Variants in SLTM observed in about 807,000 individuals in gnomAD.
SLTM encodes the protein SAFB-like transcription modulator.
A neutral mutation model predicts 134.6 loss-of-function variants in SLTM; 43 were observed. The observed-to-expected ratio is 0.32, with a 90% CI of 0.25 to 0.41. The LOEUF (loss-of-function observed/expected upper bound fraction) is 0.41. SLTM is among the 10% of genes least tolerant of loss of function. SLTM has a pLI of 1.00. For synonymous variants in SLTM, 424 were observed against 432.3 expected (o/e 0.98, Z 0.24); for missense variants, 1,055 against 1,288.8 (o/e 0.82, Z 2.78).
At chr15:58,898,571 T>C (rs2035257417) in intron 8 of SLTM, 1 of 413,022 alleles carries the variant, frequency 2.4e-6, no homozygotes, top group Non-Finnish European at 4.3e-6. Flanking sequence ...GTTCCCTAGC[T>C]AATGGGTTTT....
intron 1 of SLTM, 61 bp from the exon 2 acceptor site, chr15:58,932,504 G>T: frequency 7.6e-7 from 1 of 1,314,870 alleles, no homozygotes; most frequent in South Asian, 1.3e-5. Context: ...TTATAAAAAC[G>T]AAATGAAAAA....
intron 5 of SLTM, among the ~76,000 whole-genome samples, chr15:58,907,284 T>G (rs1470006736): frequency 3.3e-5 from 5 of 152,204 alleles, no homozygotes; most frequent in Non-Finnish European, 7.3e-5. Flanking sequence ...CATGATGTTA[T>G]AGACTGAAGA....
intron 5 of SLTM, among the ~76,000 whole-genome samples, chr15:58,904,238 T>C (rs1439212808): frequency 6.6e-6 from 1 of 152,022 alleles, no homozygotes; most frequent in African/African-American, 2.4e-5. Flanking sequence ...CTCGAACTCC[T>C]GAGCCCAGGT....
intron 2 of SLTM, among the ~76,000 whole-genome samples, chr15:58,917,527 G>C (rs1567150179): frequency 6.6e-6 from 1 of 152,116 alleles, no homozygotes; most frequent in Non-Finnish European, 1.5e-5. Flanking sequence ...CCTCTTCATA[G>C]AGAAGAAATT....
At chr15:58,919,132 C>G (rs571114364) in intron 2 of SLTM, among the ~76,000 whole-genome samples, 1 of 152,098 alleles carries the variant, frequency 6.6e-6, no homozygotes, top group African/African-American at 2.4e-5. Flanking sequence ...AGGATGGTCT[C>G]GATCCCCTGA....
At chr15:58,906,019 T>C (rs1438885081) in intron 5 of SLTM, among the ~76,000 whole-genome samples, 1 of 152,176 alleles carries the variant, frequency 6.6e-6, no homozygotes, top group Non-Finnish European at 1.5e-5. Context: ...GTAGAAAAGA[T>C]GAACCACACG....
rs1467990800 is a variant in SLTM, at chr15:58,933,626, C to T, written c.-61G>A. ...GGCTGCAGGGCGGCGGCAGCAGCGC[C>T]AACTTCCACCCAGGCCTCGGCGGCC... On this transcript the variant is annotated 5_prime_UTR_variant, in exon 1 of 21. Transcript: ENST00000380516. The T allele has an allele frequency of 6.2e-6, 9 of 1,458,768 alleles. No homozygotes were observed. The highest frequency in any genetic ancestry group is 1.3e-5 in the South Asian group (1 of 75,206). 90.4% of individuals were successfully genotyped at this position (1,458,768 alleles called of 1,614,324 possible).
intron 3 of SLTM, among the ~76,000 whole-genome samples, chr15:58,915,450 T>G (rs2036568103): frequency 6.6e-6 from 1 of 152,208 alleles, no homozygotes; most frequent in Non-Finnish European, 1.5e-5. Flanking sequence ...GTCACAATGT[T>G]TTTACAGCTT....
At chr15:58,886,000 T>G (rs1183334455) in intron 19 of SLTM, among the ~76,000 whole-genome samples, 2 of 152,182 alleles carry the variant, frequency 1.3e-5, no homozygotes, top group Non-Finnish European at 2.9e-5. Flanking sequence ...GGCAAAAGGT[T>G]TTTGTTCATT....
At chr15:58,913,862 A>G (rs1286562362) in intron 3 of SLTM, 166 bp from the exon 4 acceptor site, 2 of 559,130 alleles carry the variant, frequency 3.6e-6, no homozygotes, top group African/African-American at 3.8e-5. Context: ...CTTTAAAAAT[A>G]GGTCTAATAC....
intron 2 of SLTM, among the ~76,000 whole-genome samples, chr15:58,925,289 C>A (rs1389760752): frequency 6.6e-6 from 1 of 152,124 alleles, no homozygotes; most frequent in African/African-American, 2.4e-5. Flanking sequence ...TTCTGAAAGG[C>A]CTTGCACATT....
intron 5 of SLTM, among the ~76,000 whole-genome samples, chr15:58,906,339 T>C (rs2035867071): frequency 6.6e-6 from 1 of 152,226 alleles, no homozygotes; most frequent in Admixed American, 6.5e-5. Context: ...AAATTTCACA[T>C]ATGAAGATGA....
chr15:58,894,712 T>TG (rs2034940787), intron 9 of SLTM, 130 bp from the exon 10 acceptor site: 12 of 947,330 alleles, frequency 1.3e-5, no homozygotes, highest in South Asian at 1.2e-4. Context: ...CATGTTTTTT[T>TG]TTTTTTTTTT....
intron 2 of SLTM, among the ~76,000 whole-genome samples, chr15:58,931,771 A>G (rs2037897343): frequency 6.6e-6 from 1 of 152,242 alleles, no homozygotes; most frequent in Non-Finnish European, 1.5e-5. Flanking sequence ...GTTAAAAATA[A>G]GAATCTTTAA....
At chr15:58,908,065 T>A (rs556243353) in intron 5 of SLTM, among the ~76,000 whole-genome samples, 1 of 150,612 alleles carries the variant, frequency 6.6e-6, no homozygotes, top group African/African-American at 2.4e-5. Flanking sequence ...TTTCTTTCTT[T>A]TTTTTTTTTA....
At chr15:58,890,194 TACA>T in intron 15 of SLTM, 84 bp downstream of exon 15, 2 of 1,493,328 alleles carry the variant, frequency 1.3e-6, no homozygotes, top group South Asian at 1.2e-5. Context: ...ATAGACGCTT[TACA>T]ACAAGTAAAG....
chr15:58,931,074 T>A (rs370714566), intron 2 of SLTM, among the ~76,000 whole-genome samples: 1 of 152,202 alleles, frequency 6.6e-6, no homozygotes, highest in African/African-American at 2.4e-5. Flanking sequence ...ATTCCTGATA[T>A]ACTTATTTCT....
At chr15:58,904,697 A>AT (rs1364770430) in intron 5 of SLTM, among the ~76,000 whole-genome samples, 7 of 149,648 alleles carry the variant, frequency 4.7e-5, no homozygotes, top group East Asian at 2.0e-4. Flanking sequence ...CACCCGGCCA[A>AT]TTTTTTTTTG....
chr15:58,899,821 TCA>T lies in SLTM; in HGVS notation c.704_705del (p.Val235GlufsTer4). 6.2e-7 allele frequency: 1 copy of T among 1,614,190 alleles called. No individual in the cohort carries two copies. The highest frequency in any genetic ancestry group is 2.2e-5 in the East Asian group (1 of 44,886). On this transcript the variant is annotated frameshift_variant, in exon 7 of 21. Coordinates refer to ENST00000380516, the MANE Select transcript of SLTM (RefSeq NM_024755.4). LOFTEE classifies it high-confidence loss of function. The surrounding 1 kb of genome is among the most constrained non-coding windows in gnomAD (Gnocchi z 5.0). ...AHEEMEAHTT[V>X]KEAEDDNISV... is the part of the protein sequence containing the mutation. ...GAGATGTTGTCATCCTCAGCTTCTT[TCA>T]CAGTCGTATGAGCTTCCATCTCTTC...
Sources: gnomAD v4.1 joint callset for allele counts (sites outside exome capture counted in the v4.1 genomes callset) on GRCh38, gnomAD v4.1.1 for gene constraint, Gnocchi (gnomAD v3.1) non-coding constraint, MANE v1.5 for transcripts, NCBI Gene and HGNC (gene_info 2026-07-23, HGNC 2026-07-21) for gene names.